Variants in LRFN5 observed in about 807,000 individuals in gnomAD.
LRFN5 encodes leucine-rich repeat and fibronectin type-III domain-containing protein 5.
Under a neutral mutation model 45.6 loss-of-function variants are expected in LRFN5, and 24 were observed. The ratio of observed to expected loss-of-function variants is 0.53; its 90% CI spans 0.38 to 0.74. LRFN5 has a LOEUF of 0.74. Among genes scored for constraint, LRFN5 ranks in the 30% least tolerant of loss-of-function variants. The pLI, the probability that LRFN5 is intolerant of heterozygous loss-of-function variation, is 0.00. For synonymous variants in LRFN5, 340 were observed against 313.8 expected (o/e 1.08, Z -0.88); for missense variants, 776 against 861.5 (o/e 0.90, Z 1.24).
chr14:41,709,479 A>T (rs1883199258), intron 1 of LRFN5, among the ~76,000 whole-genome samples: 1 of 152,074 alleles, frequency 6.6e-6, no homozygotes, highest in South Asian at 2.1e-4. Context: ...GAAATACTTC[A>T]TACATTTATT....
chr14:41,856,381 G>T (rs2139086717), intron 2 of LRFN5, among the ~76,000 whole-genome samples: 1 of 152,196 alleles, frequency 6.6e-6, no homozygotes, highest in East Asian at 1.9e-4. Context: ...TGTAAATAGT[G>T]CATAGCCTTT....
intron 1 of LRFN5, among the ~76,000 whole-genome samples, chr14:41,681,319 ATAAT>A (rs1482991206): frequency 6.6e-6 from 1 of 152,188 alleles, no homozygotes; most frequent in African/African-American, 2.4e-5. Context: ...AAGACATTTA[ATAAT>A]TAAACTCCCA....
chr14:41,861,089 T>C (rs991890447), intron 2 of LRFN5, among the ~76,000 whole-genome samples: 1 of 152,190 alleles, frequency 6.6e-6, no homozygotes, highest in Admixed American at 6.5e-5. Context: ...TATACATTTT[T>C]AATTTAATAT....
At chr14:41,654,192 T>TATA (rs1458943746) in intron 1 of LRFN5, among the ~76,000 whole-genome samples, 5 of 151,820 alleles carry the variant, frequency 3.3e-5, no homozygotes, top group African/African-American at 7.3e-5. Flanking sequence ...GAACTTAAAG[T>TATA]ATAATAATAA....
intron 2 of LRFN5, among the ~76,000 whole-genome samples, chr14:41,829,777 AC>A (rs1160349811): frequency 7.9e-5 from 12 of 150,970 alleles, no homozygotes; most frequent in Admixed American, 6.6e-5. Flanking sequence ...CTGATTCCAC[AC>A]CTTTTTTTAG....
chr14:41,667,487 G>A (rs771593027), intron 1 of LRFN5, among the ~76,000 whole-genome samples: 10 of 152,130 alleles, frequency 6.6e-5, no homozygotes, highest in African/African-American at 9.7e-5. Flanking sequence ...CCTCCATGTG[G>A]TTAGTGGCTA....
At chr14:41,876,277 CTTTTTTTTTTTTT>C (rs34291427) in intron 2 of LRFN5, among the ~76,000 whole-genome samples, 37 of 100,600 alleles carry the variant, frequency 3.7e-4, no homozygotes, top group Non-Finnish European at 6.1e-4. Flanking sequence ...CTTTTTCTTT[CTTTTTTTTTTTTT>C]TTTTTTTTGA....
intron 2 of LRFN5, among the ~76,000 whole-genome samples, chr14:41,769,949 A>G (rs927673958): frequency 3.9e-5 from 6 of 152,192 alleles, no homozygotes; most frequent in Non-Finnish European, 8.8e-5. Flanking sequence ...ATTTAGAAAG[A>G]AAAGAGATTT....
At chr14:41,774,211 C>T (rs1054621315) in intron 2 of LRFN5, among the ~76,000 whole-genome samples, 2 of 152,164 alleles carry the variant, frequency 1.3e-5, no homozygotes, top group Admixed American at 1.3e-4. Flanking sequence ...TGGAAACAAT[C>T]CAATTTGTAC....
chr14:41,828,212 AT>A (rs1435761631), intron 2 of LRFN5, among the ~76,000 whole-genome samples: 13 of 152,024 alleles, frequency 8.6e-5, no homozygotes, highest in Non-Finnish European at 1.9e-4. Flanking sequence ...AGTTTCTTTC[AT>A]TTATTATCTA....
intron 2 of LRFN5, among the ~76,000 whole-genome samples, chr14:41,810,403 G>A (rs1009976094): frequency 2.6e-5 from 4 of 151,942 alleles, no homozygotes; most frequent in Non-Finnish European, 5.9e-5. Context: ...AGCTTTGTAG[G>A]CATTAGTTTC....
chr14:41,783,387 G>C (rs1886604726), intron 2 of LRFN5, among the ~76,000 whole-genome samples: 1 of 152,076 alleles, frequency 6.6e-6, no homozygotes, highest in Admixed American at 6.6e-5. Flanking sequence ...TGAGTCTCCA[G>C]ATTTCATTGT....
intron 1 of LRFN5, among the ~76,000 whole-genome samples, chr14:41,722,826 C>G (rs1488901618): frequency 6.6e-6 from 1 of 152,150 alleles, no homozygotes; most frequent in Non-Finnish European, 1.5e-5. Flanking sequence ...TGGGCTGATT[C>G]ATGGAATACA....
chr14:41,733,817 A>T (rs550042025), intron 1 of LRFN5, among the ~76,000 whole-genome samples: 5 of 151,614 alleles, frequency 3.3e-5, no homozygotes, highest in African/African-American at 9.6e-5. Flanking sequence ...ATATTAATAT[A>T]TAAAAAAATT....
chr14:41,805,369 G>T (rs979456581), intron 2 of LRFN5, among the ~76,000 whole-genome samples: 1 of 147,764 alleles, frequency 6.8e-6, no homozygotes, highest in Admixed American at 6.8e-5. Flanking sequence ...AACTCCTCAG[G>T]GCATACTTAC....
chr14:41,799,146 C>G (rs987232274), intron 2 of LRFN5, among the ~76,000 whole-genome samples: 7 of 151,980 alleles, frequency 4.6e-5, no homozygotes, highest in African/African-American at 1.7e-4. Context: ...GACTAGTGAA[C>G]TTAGCTCACG....
chr14:41,614,832 A>G (rs116986223), intron 1 of LRFN5, among the ~76,000 whole-genome samples: 7,463 of 152,142 alleles, frequency 0.049, 267 homozygotes, highest in Non-Finnish European at 0.073. Flanking sequence ...TATTAACATT[A>G]TCACCATCAC....
intron 1 of LRFN5, among the ~76,000 whole-genome samples, chr14:41,620,506 A>T (rs1888087938): frequency 6.6e-6 from 1 of 152,074 alleles, no homozygotes; most frequent in African/African-American, 2.4e-5. Flanking sequence ...TTGAGGAGAG[A>T]TGAGTAACTT....
At chr14:41,757,546 C>G (rs1460350537) in intron 1 of LRFN5, among the ~76,000 whole-genome samples, 1 of 152,184 alleles carries the variant, frequency 6.6e-6, no homozygotes, top group African/African-American at 2.4e-5. Context: ...GGGCGTAGGA[C>G]CCTCCGAGCC....
Sources: allele counts gnomAD v4.1 joint callset (sites outside exome capture counted in the v4.1 genomes callset), GRCh38; gene constraint gnomAD v4.1.1; transcripts MANE v1.5; gene names NCBI Gene and HGNC (gene_info 2026-07-23, HGNC 2026-07-21).